Variants in RANBP17 observed in about 807,000 individuals in gnomAD.
The protein encoded by RANBP17 is RAN binding protein 17.
Under a neutral mutation model 141.2 loss-of-function variants are expected in RANBP17, and 158 were observed. The observed-to-expected ratio is 1.12, with a 90% CI of 0.98 to 1.28. The LOEUF (loss-of-function observed/expected upper bound fraction) is 1.28. Ranked by LOEUF, RANBP17 falls within the 50% of genes most tolerant of loss-of-function variation. RANBP17 has a pLI of 0.00. For missense variants in RANBP17, 1,438 were observed against 1,290.7 expected (o/e 1.11, Z -1.75); for synonymous variants, 430 against 450.0 (o/e 0.96, Z 0.56).
intron 25 of RANBP17, 84 bp from the exon 26 acceptor site, chr5:171,293,799 T>C (rs1317599559): frequency 8.3e-6 from 8 of 958,648 alleles, no homozygotes; most frequent in South Asian, 4.0e-5. Flanking sequence ...GATGGAGGGG[T>C]GGAATCTGAG....
intron 14 of RANBP17, among the ~76,000 whole-genome samples, chr5:171,061,820 G>C (rs1445288422): frequency 1.3e-5 from 2 of 152,162 alleles, no homozygotes; most frequent in African/African-American, 4.8e-5. Flanking sequence ...AGGTCACTCA[G>C]GACTTGCTTT....
chr5:170,916,537 C>A lies in RANBP17; in HGVS notation c.907C>A (p.Leu303Ile). 6.3e-7 allele frequency: 1 copy of A among 1,582,206 alleles called. No homozygotes were observed. The highest frequency in any genetic ancestry group is 1.2e-5 in the South Asian group (1 of 85,754). The change falls in exon 9 of 28, where the codon CTT (leucine) becomes ATT (isoleucine). Residue 303 changes from leucine (L) to isoleucine (I), a missense_variant. Coordinates refer to ENST00000523189, the MANE Select transcript of RANBP17 (RefSeq NM_022897.5). ...TAACAGTCCTGAACGTGCCAAGTAC[C>A]TTGGTAATTTAATTAAGGGAGTAAA... ...LFNSPERAKY[L>I]GNLIKGVKRI...
intron 27 of RANBP17, among the ~76,000 whole-genome samples, chr5:171,296,686 G>A (rs1003502200): frequency 1.3e-5 from 2 of 152,238 alleles, no homozygotes; most frequent in Admixed American, 6.5e-5. Flanking sequence ...GCCGAGGTGG[G>A]TGGATCACCT....
At position 170,896,059 on chromosome 5, in the gene RANBP17, G is replaced by A; in HGVS notation, c.433G>A (p.Glu145Lys). Residue 145 changes from glutamate to lysine, a missense_variant, in exon 5 of 28, where the codon GAA becomes AAA. Glu to Lys is a moderately conservative substitution (Grantham distance 56). Transcript: ENST00000523189. ...GTTATTTTCTCCAAAGGGTACTGTG[G>A]AACACTGCATAATAGGAGTAATAAT... ...DVKKFLQGTV[E>K]HCIIGVIILS... 1 of 1,604,210 alleles carries A rather than the reference G, an allele frequency of 6.2e-7. No homozygotes were observed. The highest frequency in any genetic ancestry group is 8.5e-7 in the Non-Finnish European group (1 of 1,175,438).
intron 12 of RANBP17, among the ~76,000 whole-genome samples, chr5:170,942,112 G>A (rs1378946415): frequency 2.6e-5 from 4 of 152,118 alleles, no homozygotes; most frequent in South Asian, 2.1e-4. Context: ...GTGCACATGC[G>A]AGGGATCTAA....
chr5:171,238,806 A>G (rs560337131), intron 22 of RANBP17, among the ~76,000 whole-genome samples: 178 of 152,306 alleles, frequency 1.2e-3, no homozygotes, highest in African/African-American at 4.1e-3. Flanking sequence ...TTACAAGTCC[A>G]TGTGGCAACT....
intron 20 of RANBP17, 160 bp downstream of exon 20, chr5:171,205,772 A>G (rs1302976159): frequency 5.7e-6 from 4 of 707,330 alleles, no homozygotes; most frequent in South Asian, 4.5e-5. Flanking sequence ...AGCAGAGCAG[A>G]TAACTGAGCA....
intron 1 of RANBP17, among the ~76,000 whole-genome samples, chr5:170,870,837 A>G (rs1030679482): frequency 6.6e-6 from 1 of 152,136 alleles, no homozygotes; most frequent in African/African-American, 2.4e-5. Flanking sequence ...ATTCCCACCA[A>G]CAGTATAAAA....
intron 14 of RANBP17, among the ~76,000 whole-genome samples, chr5:171,133,032 C>A (rs1254232860): frequency 6.6e-6 from 1 of 151,896 alleles, no homozygotes; most frequent in East Asian, 1.9e-4. Flanking sequence ...ACTACAGGGG[C>A]CCGCCATCAC....
intron 13 of RANBP17, among the ~76,000 whole-genome samples, chr5:170,964,807 T>A (rs1776423172): frequency 6.6e-6 from 1 of 152,220 alleles, no homozygotes; most frequent in South Asian, 2.1e-4. Context: ...TTGTTGGACA[T>A]TTGGGTTGGT....
chr5:170,933,752 A>T (rs1048423307), intron 12 of RANBP17, among the ~76,000 whole-genome samples: 1 of 152,032 alleles, frequency 6.6e-6, no homozygotes, highest in Non-Finnish European at 1.5e-5. Flanking sequence ...CCTGAGTTCT[A>T]GTTTGATTGC....
intron 12 of RANBP17, among the ~76,000 whole-genome samples, chr5:170,945,437 A>T (rs769006334): frequency 3.5e-4 from 53 of 152,148 alleles, no homozygotes; most frequent in Non-Finnish European, 6.3e-4. Context: ...CACTTATAGC[A>T]CTTACTCATA....
At chr5:171,108,259 T>A (rs1754985245) in intron 14 of RANBP17, among the ~76,000 whole-genome samples, 1 of 152,158 alleles carries the variant, frequency 6.6e-6, no homozygotes, top group Non-Finnish European at 1.5e-5. Context: ...TCAGTATTGT[T>A]TTTCAGTTTC....
chr5:171,089,985 CTT>C (rs1786106856), intron 14 of RANBP17, among the ~76,000 whole-genome samples: 2 of 152,172 alleles, frequency 1.3e-5, no homozygotes, highest in African/African-American at 2.4e-5. Context: ...GTGGTTATGT[CTT>C]TATCAGCAAT....
chr5:171,007,189 G>T (rs2127585495), intron 14 of RANBP17, among the ~76,000 whole-genome samples: 1 of 152,250 alleles, frequency 6.6e-6, no homozygotes, highest in Non-Finnish European at 1.5e-5. Context: ...TATATTTAGT[G>T]GGGTCTGATG....
chr5:170,914,119 A>T (rs780260171), intron 7 of RANBP17, 48 bp from the exon 8 acceptor site: 6 of 1,231,554 alleles, frequency 4.9e-6, no homozygotes, highest in South Asian at 4.9e-5. Context: ...CTTTGTTAAG[A>T]TCACTGAATT....
intron 13 of RANBP17, among the ~76,000 whole-genome samples, chr5:170,966,319 G>A (rs1159670111): frequency 6.6e-6 from 1 of 152,128 alleles, no homozygotes; most frequent in Non-Finnish European, 1.5e-5. Flanking sequence ...ACGAAATCCA[G>A]TACCACATCA....
intron 14 of RANBP17, among the ~76,000 whole-genome samples, chr5:171,047,102 C>G (rs1782641940): frequency 7.0e-6 from 1 of 141,920 alleles, no homozygotes; most frequent in Admixed American, 7.6e-5. Flanking sequence ...ACTGCATCCT[C>G]TGCCTCCAGG....
At chr5:170,919,123 T>C (rs1772221948) in intron 10 of RANBP17, among the ~76,000 whole-genome samples, 1 of 151,964 alleles carries the variant, frequency 6.6e-6, no homozygotes, top group African/African-American at 2.4e-5. Flanking sequence ...GATTATATTA[T>C]AGAAAAGTTT....
Sources: allele counts gnomAD v4.1 joint callset (sites outside exome capture counted in the v4.1 genomes callset), GRCh38; gene constraint gnomAD v4.1.1; transcripts MANE v1.5; gene names NCBI Gene and HGNC (gene_info 2026-07-23, HGNC 2026-07-21).